Variants in FILIP1L observed in about 807,000 individuals in gnomAD.
The protein encoded by FILIP1L is filamin A-interacting protein 1-like.
FILIP1L carries 55 observed loss-of-function variants against 96.6 expected under a neutral mutation model. The observed-to-expected ratio is 0.57, with a 90% confidence interval of 0.46 to 0.71. FILIP1L has a LOEUF of 0.71. Ranked by LOEUF, FILIP1L falls within the 30% of genes least tolerant of loss-of-function variation. The pLI is 0.00. For synonymous variants in FILIP1L, 467 were observed against 473.9 expected (o/e 0.99, Z 0.19); for missense variants, 1,304 against 1,321.2 (o/e 0.99, Z 0.20).
chr3:100,042,968 A>G (rs1182558101), intron 1 of FILIP1L, among the ~76,000 whole-genome samples: 1 of 152,246 alleles, frequency 6.6e-6, no homozygotes, highest in Admixed American at 6.5e-5. Context: ...TGTGGAAGAA[A>G]ATGACTGCAT....
chr3:99,987,556 A>C (rs1447476016), intron 1 of FILIP1L, among the ~76,000 whole-genome samples: 1 of 151,792 alleles, frequency 6.6e-6, no homozygotes, highest in Non-Finnish European at 1.5e-5. Flanking sequence ...AGAAAGAAAG[A>C]AAAAATATTT....
At chr3:99,831,304 T>C (rs1357999335) in intron 5 of FILIP1L, among the ~76,000 whole-genome samples, 4 of 152,234 alleles carry the variant, frequency 2.6e-5, no homozygotes, top group Non-Finnish European at 5.9e-5. Context: ...ATGCTTTAAT[T>C]ATTTACATGT....
At chr3:99,860,031 T>C (rs979006796) in intron 4 of FILIP1L, among the ~76,000 whole-genome samples, 65 of 152,342 alleles carry the variant, frequency 4.3e-4, no homozygotes, top group African/African-American at 1.5e-3. Flanking sequence ...AGTAACACTT[T>C]TTTTGGCATC....
intron 1 of FILIP1L, among the ~76,000 whole-genome samples, chr3:100,107,216 T>A (rs2066410526): frequency 6.6e-6 from 1 of 152,164 alleles, no homozygotes; most frequent in Non-Finnish European, 1.5e-5. Context: ...AATTGCCTTT[T>A]AAAGATGAAC....
chr3:100,104,004 C>G (rs566499209), intron 1 of FILIP1L, among the ~76,000 whole-genome samples: 1 of 152,286 alleles, frequency 6.6e-6, no homozygotes, highest in East Asian at 1.9e-4. Flanking sequence ...GTCCTCTTAC[C>G]TTATTTGCTT....
At chr3:99,971,279 G>T (rs1181877859) in intron 1 of FILIP1L, among the ~76,000 whole-genome samples, 1 of 150,386 alleles carries the variant, frequency 6.6e-6, no homozygotes, top group Non-Finnish European at 1.5e-5. Flanking sequence ...CGCGGAGCTT[G>T]CAGTGAGCCA....
In FILIP1L at chr3:99,986,357, A is replaced by G. The variant is rs1042499712; in HGVS notation, c.-10-55327T>C. On this transcript the variant is annotated intron_variant, in intron 1 of 5. Coordinates refer to ENST00000477258, the MANE Select transcript of FILIP1L (RefSeq NM_001387850.1). ...CATAAAGACATATCATTGTAAAATA[A>G]AGAGAATAGTATGTGTGCTTCAGGG... 3.3e-5 allele frequency among the ~76,000 whole-genome samples: 5 copies of G among 152,224 alleles called. No individual in the cohort carries two copies. In the East Asian group the frequency reaches 9.6e-4, roughly 29 times the overall value.
chr3:100,030,076 A>C (rs1217335393), intron 1 of FILIP1L, among the ~76,000 whole-genome samples: 1 of 152,182 alleles, frequency 6.6e-6, no homozygotes, highest in Non-Finnish European at 1.5e-5. Flanking sequence ...AGGACCTTAA[A>C]ACCCTTGTTT....
chr3:99,832,421 G>T (rs1279752336), intron 5 of FILIP1L, among the ~76,000 whole-genome samples: 6 of 149,812 alleles, frequency 4.0e-5, no homozygotes, highest in Admixed American at 2.6e-4. Flanking sequence ...TAGTAGAGAC[G>T]GGGTTTCACT....
chr3:99,881,767 A>G (rs1406704839), intron 4 of FILIP1L, among the ~76,000 whole-genome samples: 5 of 152,118 alleles, frequency 3.3e-5, no homozygotes, highest in Non-Finnish European at 4.4e-5. Context: ...TCCTGACTTC[A>G]GGTGATCTGC....
At chr3:100,021,014 C>G (rs2064805210) in intron 1 of FILIP1L, among the ~76,000 whole-genome samples, 1 of 152,164 alleles carries the variant, frequency 6.6e-6, no homozygotes, top group African/African-American at 2.4e-5. Context: ...ATCTGCCCGC[C>G]TTGGCCTCGC....
intron 1 of FILIP1L, among the ~76,000 whole-genome samples, chr3:99,948,874 T>A (rs561465012): frequency 2.0e-5 from 3 of 152,296 alleles, no homozygotes; most frequent in African/African-American, 7.2e-5. Context: ...CCACTCCCTC[T>A]CAGCAGGACT....
intron 4 of FILIP1L, among the ~76,000 whole-genome samples, chr3:99,883,808 C>G (rs939961707): frequency 3.3e-5 from 5 of 152,096 alleles, no homozygotes; most frequent in Middle Eastern, 3.2e-3. Context: ...AACTTTAATC[C>G]ACATAATAAC....
At chr3:99,987,528 C>CAAAAAAAA (rs1209242716) in intron 1 of FILIP1L, among the ~76,000 whole-genome samples, 2 of 57,150 alleles carry the variant, frequency 3.5e-5, no homozygotes, top group Non-Finnish European at 3.8e-5. Flanking sequence ...GATTCTGTCT[C>CAAAAAAAA]AAAAAAAAAA....
intron 5 of FILIP1L, among the ~76,000 whole-genome samples, chr3:99,838,055 T>C (rs1377197192): frequency 6.6e-6 from 1 of 152,244 alleles, no homozygotes; most frequent in Non-Finnish European, 1.5e-5. Context: ...AGGTACCTCC[T>C]GCTCTGCACA....
At chr3:99,885,665 G>A (rs747611057) in intron 4 of FILIP1L, among the ~76,000 whole-genome samples, 2 of 152,156 alleles carry the variant, frequency 1.3e-5, no homozygotes, top group Non-Finnish European at 2.9e-5. Context: ...AACAATATTT[G>A]TCTATATATC....
At chr3:100,107,701 A>C (rs2066417395) in intron 1 of FILIP1L, among the ~76,000 whole-genome samples, 1 of 152,082 alleles carries the variant, frequency 6.6e-6, no homozygotes, top group Non-Finnish European at 1.5e-5. Flanking sequence ...GTATTACATA[A>C]ATAATTACTG....
At chr3:99,840,627 G>T (rs1185751403) in intron 5 of FILIP1L, among the ~76,000 whole-genome samples, 2 of 152,182 alleles carry the variant, frequency 1.3e-5, no homozygotes, top group Non-Finnish European at 2.9e-5. Context: ...CATGCAGGTT[G>T]TTGGCTTATT....
chr3:100,088,982 A>G (rs928917477), intron 1 of FILIP1L, among the ~76,000 whole-genome samples: 1 of 152,200 alleles, frequency 6.6e-6, no homozygotes, highest in Non-Finnish European at 1.5e-5. Flanking sequence ...TGAATCAATC[A>G]TGGTTTACAC....
Sources: allele counts gnomAD v4.1 joint callset (sites outside exome capture counted in the v4.1 genomes callset), GRCh38; gene constraint gnomAD v4.1.1; transcripts MANE v1.5; gene names NCBI Gene and HGNC (gene_info 2026-07-23, HGNC 2026-07-21).